Variants in RTTN observed in about 807,000 individuals in gnomAD.
RTTN encodes rotatin.
Under a neutral mutation model 269.2 loss-of-function variants are expected in RTTN, and 182 were observed. That is an observed-to-expected ratio of 0.68 (90% CI 0.60 to 0.76). The LOEUF is 0.76. Among genes scored for constraint, RTTN ranks in the 30% least tolerant of loss-of-function variants. The pLI, the probability that RTTN is intolerant of heterozygous loss-of-function variation, is 0.00. For missense variants in RTTN, 2,545 were observed against 2,608.6 expected (o/e 0.98, Z 0.53); for synonymous variants, 1,006 against 963.5 (o/e 1.04, Z -0.82).
intron 31 of RTTN, among the ~76,000 whole-genome samples, chr18:70,087,207 T>C (rs1329219822): frequency 6.6e-6 from 1 of 152,102 alleles, no homozygotes; most frequent in African/African-American, 2.4e-5. Context: ...TAAATAATCA[T>C]ACAAATAGGA....
chr18:70,124,591 A>G (rs899485712), intron 25 of RTTN, among the ~76,000 whole-genome samples: 1 of 152,096 alleles, frequency 6.6e-6, no homozygotes, highest in African/African-American at 2.4e-5. Context: ...GCAGTTTCAT[A>G]AAACCCCAAT....
chr18:70,092,134 T>C lies in RTTN; in HGVS notation c.4119A>G (p.Pro1373=), dbSNP rs1485875737. 6.2e-7 allele frequency: 1 copy of C among 1,612,302 alleles called. No homozygotes were observed. Among genetic ancestry groups the C allele is most frequent in the Non-Finnish European group, 8.5e-7 (1 of 1,178,540 alleles). The change falls in exon 30 of 49, where the codon CCA becomes CCG. Residue 1373 remains proline, a synonymous_variant. Transcript: ENST00000640769. ...CCTCTGGGTCCCGATCAACCCATAA[T>C]GGAATCAACCAAGCCAATCCTTGTT... The part of the protein sequence containing the change: ...PTQQGLAWLI[P]LWVDRDPEVR...
intron 34 of RTTN, among the ~76,000 whole-genome samples, chr18:70,070,290 ACT>A (rs2058260287): frequency 6.6e-6 from 1 of 152,194 alleles, no homozygotes. Context: ...AGGTTGTTAG[ACT>A]CTGGATAATC....
chr18:70,150,521 TGCTA>T, intron 15 of RTTN, 83 bp downstream of exon 15: 1 of 1,233,842 alleles, frequency 8.1e-7, no homozygotes, highest in Non-Finnish European at 1.2e-6. Flanking sequence ...TTTCTCACCA[TGCTA>T]TCTAAACTAT....
At chr18:70,028,292 T>TC (rs2056911106) in intron 43 of RTTN, among the ~76,000 whole-genome samples, 1 of 152,130 alleles carries the variant, frequency 6.6e-6, no homozygotes, top group African/African-American at 2.4e-5. Flanking sequence ...AAACTTCCTC[T>TC]CGGTGGATGT....
chr18:70,124,893 AG>A (rs1441843554), intron 25 of RTTN, among the ~76,000 whole-genome samples: 4 of 152,072 alleles, frequency 2.6e-5, no homozygotes, highest in Non-Finnish European at 5.9e-5. Flanking sequence ...TAGGACTTCC[AG>A]TAGGAAAGGA....
chr18:70,149,366 A>G (rs964602873), intron 16 of RTTN, among the ~76,000 whole-genome samples: 1 of 151,990 alleles, frequency 6.6e-6, no homozygotes, highest in Non-Finnish European at 1.5e-5. Flanking sequence ...CCCCACCCTA[A>G]GAAGATGGAG....
intron 43 of RTTN, among the ~76,000 whole-genome samples, chr18:70,028,117 T>G (rs557063126): frequency 5.4e-4 from 83 of 152,338 alleles, no homozygotes; most frequent in African/African-American, 1.7e-3. Flanking sequence ...GTTGTAAAAC[T>G]ATAGACAAAG....
intron 10 of RTTN, among the ~76,000 whole-genome samples, chr18:70,183,123 C>T (rs1176108694): frequency 6.6e-6 from 1 of 152,188 alleles, no homozygotes; most frequent in African/African-American, 2.4e-5. Flanking sequence ...CATTGCAGGA[C>T]TGTGATGCCA....
At chr18:70,101,855 A>G (rs1324177831) in intron 28 of RTTN, among the ~76,000 whole-genome samples, 4 of 152,224 alleles carry the variant, frequency 2.6e-5, no homozygotes, top group African/African-American at 9.6e-5. Flanking sequence ...ATTCAGGAGC[A>G]GGTTGTTCAG....
At chr18:70,180,839 A>T (rs1296604110) in intron 10 of RTTN, among the ~76,000 whole-genome samples, 1 of 152,194 alleles carries the variant, frequency 6.6e-6, no homozygotes, top group Non-Finnish European at 1.5e-5. Flanking sequence ...TTATTCCTTT[A>T]TGCTTATCTC....
chr18:70,094,659 T>C (rs966978822), intron 28 of RTTN, among the ~76,000 whole-genome samples: 1 of 152,198 alleles, frequency 6.6e-6, no homozygotes, highest in African/African-American at 2.4e-5. Flanking sequence ...CTGTTTGTTA[T>C]GATTTCCATT....
intron 42 of RTTN, among the ~76,000 whole-genome samples, chr18:70,029,293 C>T (rs563065692): frequency 4.0e-4 from 61 of 152,118 alleles, no homozygotes; most frequent in African/African-American, 1.4e-3. Flanking sequence ...GCTGCTATAA[C>T]GGCCTTACCT....
intron 8 of RTTN, among the ~76,000 whole-genome samples, chr18:70,191,186 T>G (rs2061663203): frequency 6.8e-6 from 1 of 147,438 alleles, no homozygotes; most frequent in African/African-American, 2.5e-5. Flanking sequence ...AGAGCAAGAC[T>G]CCATCTCAAA....
rs753261779 is a variant in RTTN at position 70,051,498 on chromosome 18, G to A, written c.5236C>T (p.Leu1746Phe). 5.0e-6 allele frequency: 8 copies of A among 1,612,478 alleles called. No homozygotes were observed. The East Asian group carries it at 8.9e-5, about 18-fold the overall frequency. The stretch of plus-strand genomic sequence containing the variant: ...GCTTTCCTCAGGAGCATGGCCAGAA[G>A]ATTAAATAAATGTGTCCATGTGTGA... Reference protein sequence around the residue: ...FYHTWTHLFNLLAMLLRKAGA... With the variant: ...FYHTWTHLFNFLAMLLRKAGA... Residue 1746 changes from leucine to phenylalanine, a missense_variant, in exon 39 of 49, where the codon CTT becomes TTT. Coordinates refer to ENST00000640769, the MANE Select transcript of RTTN (RefSeq NM_173630.4).
intron 18 of RTTN, 152 bp from the exon 19 acceptor site, chr18:70,142,539 G>A (rs2145732130): frequency 1.6e-6 from 1 of 606,974 alleles, no homozygotes; most frequent in Non-Finnish European, 2.9e-6. Flanking sequence ...ACACAATGCT[G>A]GGTTAAGTAG....
At chr18:70,187,730 A>C (rs1178044613) in intron 10 of RTTN, among the ~76,000 whole-genome samples, 2 of 152,234 alleles carry the variant, frequency 1.3e-5, no homozygotes, top group East Asian at 3.8e-4. Flanking sequence ...AATTATGCTG[A>C]TATTGCTAGG....
chr18:70,139,470 A>G, intron 21 of RTTN, 129 bp downstream of exon 21: 1 of 608,724 alleles, frequency 1.6e-6, no homozygotes, highest in African/African-American at 1.9e-5. Context: ...CATTTACATT[A>G]GTAGTGTATT....
intron 35 of RTTN, chr18:70,061,245 A>C (rs528369843): frequency 5.4e-5 from 22 of 405,870 alleles, no homozygotes; most frequent in South Asian, 3.7e-4. Flanking sequence ...TAGACTTTAG[A>C]ACAGTAATAA....
Sources: gnomAD v4.1 joint callset for allele counts (sites outside exome capture counted in the v4.1 genomes callset) on GRCh38, gnomAD v4.1.1 for gene constraint, MANE v1.5 for transcripts, NCBI Gene and HGNC (gene_info 2026-07-23, HGNC 2026-07-21) for gene names.